Variants in PBX3 observed in about 807,000 individuals in gnomAD.
PBX3 encodes pre-B-cell leukemia transcription factor 3.
Under a neutral mutation model 48.5 loss-of-function variants are expected in PBX3, and 14 were observed. The observed-to-expected ratio is 0.29, with a 90% confidence interval of 0.19 to 0.45. The LOEUF (loss-of-function observed/expected upper bound fraction) is 0.45. Ranked by LOEUF, PBX3 falls within the 20% of genes least tolerant of loss-of-function variation. The pLI is 1.00. For synonymous variants in PBX3, 210 were observed against 200.3 expected (o/e 1.05, Z -0.41); for missense variants, 386 against 546.7 (o/e 0.71, Z 2.93).
intron 2 of PBX3, among the ~76,000 whole-genome samples, chr9:125,816,043 C>T (rs572389498): frequency 8.5e-5 from 13 of 152,294 alleles, no homozygotes; most frequent in Admixed American, 3.3e-4. Context: ...CTTACTATGT[C>T]ACCTAGACTG....
At chr9:125,849,397 T>G (rs1381205371) in intron 2 of PBX3, among the ~76,000 whole-genome samples, 2 of 150,154 alleles carry the variant, frequency 1.3e-5, no homozygotes, top group Non-Finnish European at 3.0e-5. Flanking sequence ...AATGTAGGAG[T>G]CAGTTTGTTA....
intron 2 of PBX3, among the ~76,000 whole-genome samples, chr9:125,853,175 G>T (rs1369406630): frequency 6.6e-6 from 1 of 151,920 alleles, no homozygotes; most frequent in African/African-American, 2.4e-5. Flanking sequence ...AATTTAAATT[G>T]TACTCCTTAC....
intron 2 of PBX3, among the ~76,000 whole-genome samples, chr9:125,908,593 A>G (rs954727422): frequency 1.3e-5 from 2 of 151,982 alleles, no homozygotes; most frequent in African/African-American, 4.8e-5. Flanking sequence ...GGCATGTGGT[A>G]AAATTTAAAG....
chr9:125,819,362 A>G (rs1001156897), intron 2 of PBX3, among the ~76,000 whole-genome samples: 1 of 151,696 alleles, frequency 6.6e-6, no homozygotes, highest in Admixed American at 6.6e-5. Context: ...CCCTGACTCT[A>G]CTAAAAATAC....
intron 2 of PBX3, among the ~76,000 whole-genome samples, chr9:125,904,238 T>A (rs1339645260): frequency 6.6e-6 from 1 of 151,862 alleles, no homozygotes; most frequent in African/African-American, 2.4e-5. Context: ...GTTTTATTAC[T>A]CCAGTGTTGT....
rs559617795 is a variant in PBX3, at chr9:125,759,534, C to T, written c.274+10911C>T. Among the ~76,000 whole-genome samples the T allele has an allele frequency of 2.1e-4, 32 of 152,284 alleles. No homozygotes were observed. In the South Asian group the frequency reaches 5.2e-3, roughly 25 times the overall value. Reference sequence around the variant, plus strand: ...TCAATGAAAGAAAAAGAACTGTAATCGCACATTTACATATGCTTCTAATTG... The same window carrying T: ...TCAATGAAAGAAAAAGAACTGTAATTGCACATTTACATATGCTTCTAATTG... On this transcript the variant is annotated intron_variant, in intron 2 of 8. Coordinates refer to ENST00000373489, the MANE Select transcript of PBX3 (RefSeq NM_006195.6). This position sits in a 1 kb window ranked among gnomAD's most constrained non-coding sequence, Gnocchi z 4.2.
intron 3 of PBX3, among the ~76,000 whole-genome samples, chr9:125,927,817 T>C (rs934925378): frequency 6.6e-6 from 1 of 152,076 alleles, no homozygotes; most frequent in Admixed American, 6.6e-5. Context: ...GGTGGGAGGA[T>C]CTCTTTAGGC....
At chr9:125,841,643 A>G (rs1245921510) in intron 2 of PBX3, among the ~76,000 whole-genome samples, 1 of 152,100 alleles carries the variant, frequency 6.6e-6, no homozygotes, top group Non-Finnish European at 1.5e-5. Context: ...CTGGTGTATG[A>G]CTTGTTTTGG....
rs1354505165 is a variant in PBX3, at chr9:125,960,831, C to T, written c.991C>T (p.Pro331Ser). ...AAVQNNQTNSPTTPNSGSSGS... is the reference protein window; with the variant it reads ...AAVQNNQTNSSTTPNSGSSGS... ...TGTGCAGAACAACCAGACCAATTCG[C>T]CCACCACACCAAATTCCGGTGCGTA... is the stretch of plus-strand genomic sequence containing the variant. The change falls in exon 6 of 9, where the codon CCC (proline) becomes TCC (serine). Residue 331 changes from proline to serine, a missense_variant. Coordinates refer to ENST00000373489, the MANE Select transcript of PBX3 (RefSeq NM_006195.6). 4 of 1,613,948 alleles carry T rather than the reference C, an allele frequency of 2.5e-6. No individual in the cohort carries two copies. The highest frequency in any genetic ancestry group is 2.2e-5 in the South Asian group (2 of 91,038).
chr9:125,844,005 A>G (rs1323756150), intron 2 of PBX3, among the ~76,000 whole-genome samples: 1 of 152,148 alleles, frequency 6.6e-6, no homozygotes, highest in African/African-American at 2.4e-5. Context: ...GGTTTATAAA[A>G]TGCAAAGATT....
At chr9:125,904,741 G>T (rs1841030350) in intron 2 of PBX3, among the ~76,000 whole-genome samples, 1 of 151,872 alleles carries the variant, frequency 6.6e-6, no homozygotes. Context: ...TGATTCCAGG[G>T]TATCAGTCAG....
intron 2 of PBX3, among the ~76,000 whole-genome samples, chr9:125,802,718 G>T (rs1437489794): frequency 6.6e-6 from 1 of 151,098 alleles, no homozygotes; most frequent in Non-Finnish European, 1.5e-5. Context: ...TCTCTCCGTT[G>T]CCCAGGCTGG....
intron 2 of PBX3, among the ~76,000 whole-genome samples, chr9:125,754,818 C>T (rs575281643): frequency 1.3e-5 from 2 of 151,590 alleles, no homozygotes; most frequent in African/African-American, 2.4e-5. Context: ...ACTGAATTGG[C>T]GTAACTTTTT....
At chr9:125,814,317 T>C (rs972624612) in intron 2 of PBX3, among the ~76,000 whole-genome samples, 13 of 152,076 alleles carry the variant, frequency 8.5e-5, no homozygotes, top group African/African-American at 3.1e-4. Context: ...TAACTTTGTA[T>C]AGATTTTAAC....
In PBX3 at chr9:125,839,318, G is replaced by A. The variant is rs75093806; in HGVS notation, c.275-76368G>A. Among the ~76,000 whole-genome samples, 323 of 152,256 alleles carry A rather than the reference G, an allele frequency of 2.1e-3. 4 individuals carry two copies. Among genetic ancestry groups the A allele is most frequent in the East Asian group, 0.019 (101 of 5,186 alleles). ...AAATCTCATTCATTGTTGTAGATTT[G>A]AGGAATCAAGAGGCAACATGGTGAT... is the stretch of plus-strand genomic sequence containing the variant. On this transcript the variant is annotated intron_variant, in intron 2 of 8. Transcript: ENST00000373489.
At chr9:125,782,320 C>A (rs928162920) in intron 2 of PBX3, among the ~76,000 whole-genome samples, 1 of 152,104 alleles carries the variant, frequency 6.6e-6, no homozygotes, top group Non-Finnish European at 1.5e-5. Context: ...TGACCTGCCC[C>A]CCATGATTCA....
chr9:125,905,837 T>A (rs1841057975), intron 2 of PBX3, among the ~76,000 whole-genome samples: 1 of 152,124 alleles, frequency 6.6e-6, no homozygotes. Flanking sequence ...AACATAGAAG[T>A]CTTGTTTGTG....
At chr9:125,891,428 A>G (rs987511794) in intron 2 of PBX3, among the ~76,000 whole-genome samples, 3 of 152,264 alleles carry the variant, frequency 2.0e-5, no homozygotes, top group Non-Finnish European at 4.4e-5. Flanking sequence ...AGTCAAATGG[A>G]CAGTATTGGT....
At chr9:125,833,484 G>GT (rs1433392130) in intron 2 of PBX3, among the ~76,000 whole-genome samples, 1 of 149,446 alleles carries the variant, frequency 6.7e-6, no homozygotes, top group African/African-American at 2.5e-5. Flanking sequence ...GGGAGACGCT[G>GT]TCTCAAAAAA....
Sources: allele counts gnomAD v4.1 joint callset (sites outside exome capture counted in the v4.1 genomes callset), GRCh38; gene constraint gnomAD v4.1.1; non-coding constraint Gnocchi (gnomAD v3.1); transcripts MANE v1.5; gene names NCBI Gene and HGNC (gene_info 2026-07-23, HGNC 2026-07-21).